USH2A: variants seen among roughly 807,000 people sequenced by gnomAD.
USH2A encodes Usher syndrome 2A (autosomal recessive, mild).
Under a neutral mutation model 538.9 loss-of-function variants are expected in USH2A, and 443 were observed. The observed-to-expected ratio is 0.82, with a 90% CI of 0.76 to 0.89. USH2A has a LOEUF of 0.89. Among genes scored for constraint, USH2A ranks in the 40% least tolerant of loss-of-function variants. The pLI is 0.00. For missense variants in USH2A, 6,633 were observed against 6,324.8 expected (o/e 1.05, Z -1.65); for synonymous variants, 2,413 against 2,273.5 (o/e 1.06, Z -1.75).
intron 11 of USH2A, among the ~76,000 whole-genome samples, chr1:216,275,924 T>C (rs1262514722): frequency 1.3e-5 from 2 of 152,124 alleles, no homozygotes; most frequent in Non-Finnish European, 2.9e-5. Context: ...TTTTGGATAG[T>C]GTAAGTAAAT....
chr1:216,199,251 T>C (rs531628789), intron 17 of USH2A, among the ~76,000 whole-genome samples: 1 of 152,330 alleles, frequency 6.6e-6, no homozygotes, highest in African/African-American at 2.4e-5. Context: ...TTTATATCTT[T>C]TTCTTGCTTA....
chr1:216,184,801 G>A (rs1312837617), intron 20 of USH2A, among the ~76,000 whole-genome samples: 1 of 151,886 alleles, frequency 6.6e-6, no homozygotes, highest in Admixed American at 6.6e-5. Flanking sequence ...GTACCCGAAT[G>A]CAAAACAATG....
chr1:215,867,705 G>C lies in USH2A; in HGVS notation c.8682-535C>G, dbSNP rs137858889. Among the ~76,000 whole-genome samples, 186 of 152,312 alleles carry C rather than the reference G, an allele frequency of 1.2e-3. 1 individual carries two copies. Among genetic ancestry groups the C allele is most frequent in the African/African-American group, 4.2e-3 (176 of 41,580 alleles). ...ATTAAATTGTAACTGTGACCAAAGT[G>C]TACAACATTCTCCCGCTGAGAGTTT... On this transcript the variant is annotated intron_variant, in intron 43 of 71. Coordinates refer to ENST00000307340, the MANE Select transcript of USH2A (RefSeq NM_206933.4).
In USH2A at chr1:215,680,011, A is replaced by C. The variant is rs1486559226; in HGVS notation, c.12294+138T>G. 5 of 827,002 alleles carry C rather than the reference A, an allele frequency of 6.0e-6. No homozygotes were observed. In the Admixed American group the frequency reaches 9.8e-5, roughly 16 times the overall value. The allele number at this position is 827,002 out of a possible 1,614,324, so 51.2% of individuals were successfully genotyped here. A position where few individuals can be genotyped will look rare whatever the true frequency, so the allele number is the denominator to read the frequency against. Reference sequence around the variant, plus strand: ...AGCTAGGTTTCTGTGATCTATGATTAAGTGCCTGGAGGAGCTATCAAGGAG... The same window carrying C: ...AGCTAGGTTTCTGTGATCTATGATTCAGTGCCTGGAGGAGCTATCAAGGAG... On this transcript the variant is annotated intron_variant, in intron 62 of 71. Transcript: ENST00000307340.
In USH2A at chr1:215,782,727, T is replaced by A. The variant is rs1661676923; in HGVS notation, c.10585+11A>T. ...GATTTTGTTATTTGTATTTTAAAGG[T>A]ATCTCAATACCATTTGATTGTATAG... is the stretch of plus-strand genomic sequence containing the variant. On this transcript the variant is annotated intron_variant, in intron 53 of 71. Transcript: ENST00000307340. 6 of 1,611,698 alleles carry A rather than the reference T, an allele frequency of 3.7e-6. No individual in the cohort carries two copies. In the African/African-American group the frequency reaches 6.7e-5, roughly 18 times the overall value.
rs911805956 is a variant in USH2A at position 216,180,046 on chromosome 1, C to T, written c.4397-4564G>A. The stretch of plus-strand genomic sequence containing the variant: ...CAGTGACATACATTGACAACAATTG[C>T]TTCTACAACAATATACATATTTGCT... On this transcript the variant is annotated intron_variant, in intron 20 of 71. Coordinates refer to ENST00000307340, the MANE Select transcript of USH2A (RefSeq NM_206933.4). Among the ~76,000 whole-genome samples, 3 of 152,028 alleles carry T rather than the reference C, an allele frequency of 2.0e-5. 1 individual carries two copies. The South Asian group carries it at 6.2e-4, about 32-fold the overall frequency.
intron 38 of USH2A, among the ~76,000 whole-genome samples, chr1:215,912,461 AT>A (rs1665814305): frequency 5.2e-5 from 1 of 19,336 alleles, no homozygotes; most frequent in African/African-American, 1.9e-4. Context: ...GTGTATATAT[AT>A]ATATATATAT....
chr1:215,789,085 G>A (rs1661898817), intron 51 of USH2A, among the ~76,000 whole-genome samples: 1 of 152,132 alleles, frequency 6.6e-6, no homozygotes, highest in South Asian at 2.1e-4. Flanking sequence ...AATGTCTCCA[G>A]GTGGTAGGTC....
At chr1:216,340,777 C>T (rs1032505479) in intron 4 of USH2A, among the ~76,000 whole-genome samples, 1 of 151,998 alleles carries the variant, frequency 6.6e-6, no homozygotes, top group East Asian at 1.9e-4. Flanking sequence ...TAGAAAAGGG[C>T]TTCAATAAAA....
intron 66 of USH2A, 72 bp downstream of exon 66, chr1:215,648,456 G>C: frequency 6.6e-7 from 1 of 1,503,882 alleles, no homozygotes; most frequent in Admixed American, 1.7e-5. Flanking sequence ...GTGCAGAGTA[G>C]GCTATACCAT....
At chr1:215,755,843 T>C (rs574050137) in intron 58 of USH2A, among the ~76,000 whole-genome samples, 4 of 152,308 alleles carry the variant, frequency 2.6e-5, no homozygotes, top group Non-Finnish European at 5.9e-5. Flanking sequence ...TCCACAATGA[T>C]ACATTTCTAA....
intron 15 of USH2A, among the ~76,000 whole-genome samples, chr1:216,209,799 T>A (rs1208163879): frequency 6.6e-6 from 1 of 152,112 alleles, no homozygotes; most frequent in Non-Finnish European, 1.5e-5. Context: ...AATTTAAGAG[T>A]GATACAGGTG....
chr1:215,627,067 A>T (rs1321255259), intron 71 of USH2A, among the ~76,000 whole-genome samples: 1 of 152,198 alleles, frequency 6.6e-6, no homozygotes, highest in African/African-American at 2.4e-5. Context: ...ATATATATGT[A>T]TATATTATAC....
At chr1:216,120,441 G>A (rs1041821958) in intron 21 of USH2A, among the ~76,000 whole-genome samples, 1 of 151,628 alleles carries the variant, frequency 6.6e-6, no homozygotes, top group African/African-American at 2.4e-5. Context: ...GTGCAATGGC[G>A]CGATCTCAGC....
intron 55 of USH2A, among the ~76,000 whole-genome samples, chr1:215,767,202 C>T (rs997464329): frequency 1.4e-5 from 2 of 147,950 alleles, no homozygotes; most frequent in Non-Finnish European, 3.0e-5. Context: ...CTTTCTATCA[C>T]TTTCACCCCT....
intron 21 of USH2A, among the ~76,000 whole-genome samples, chr1:216,152,419 C>T (rs1478933324): frequency 1.8e-5 from 2 of 113,944 alleles, no homozygotes. Context: ...CCTGGCTCAT[C>T]CTGGCTCAAA....
chr1:216,161,478 C>A (rs1365807280), intron 21 of USH2A, among the ~76,000 whole-genome samples: 1 of 151,898 alleles, frequency 6.6e-6, no homozygotes, highest in Non-Finnish European at 1.5e-5. Flanking sequence ...CCATATAGAC[C>A]CCGTCATCAT....
intron 21 of USH2A, among the ~76,000 whole-genome samples, chr1:216,145,000 A>T (rs1206586731): frequency 6.6e-6 from 1 of 152,140 alleles, no homozygotes; most frequent in Admixed American, 6.5e-5. Context: ...GCTAGGCAAG[A>T]TTCCTGGACT....
At chr1:215,710,888 T>C (rs1394197779) in intron 61 of USH2A, among the ~76,000 whole-genome samples, 2 of 152,056 alleles carry the variant, frequency 1.3e-5, no homozygotes, top group Non-Finnish European at 2.9e-5. Flanking sequence ...TTCTTATTTC[T>C]GGAATAAGAA....
Sources: allele counts gnomAD v4.1 joint callset (sites outside exome capture counted in the v4.1 genomes callset), GRCh38; gene constraint gnomAD v4.1.1; transcripts MANE v1.5; gene names NCBI Gene and HGNC (gene_info 2026-07-23, HGNC 2026-07-21).